Variants in ZFHX4 observed in about 807,000 individuals in gnomAD.
ZFHX4 encodes zinc finger homeobox protein 4.
A neutral mutation model predicts 267.6 loss-of-function variants in ZFHX4; 56 were observed. That is an observed-to-expected ratio of 0.21 (90% CI 0.17 to 0.26). The LOEUF (loss-of-function observed/expected upper bound fraction) is 0.26. ZFHX4 is among the 10% of genes least tolerant of loss of function. The pLI, the probability that ZFHX4 is intolerant of heterozygous loss-of-function variation, is 1.00. For synonymous variants in ZFHX4, 1,778 were observed against 1,665.6 expected, an observed-to-expected ratio of 1.07 and a Z score of -1.64; for missense variants, 4,332 against 4,420.0, an observed-to-expected ratio of 0.98 and a Z score of 0.56.
intron 3 of ZFHX4, among the ~76,000 whole-genome samples, chr8:76,772,411 T>C (rs1255207033): frequency 1.3e-5 from 2 of 152,114 alleles, no homozygotes; most frequent in African/African-American, 4.8e-5. Context: ...TCGTTAATGG[T>C]AGTTAGAACT....
At chr8:76,711,301 C>A (rs1280136733) in intron 3 of ZFHX4, among the ~76,000 whole-genome samples, 2 of 152,140 alleles carry the variant, frequency 1.3e-5, no homozygotes, top group African/African-American at 4.8e-5. Flanking sequence ...TAAATTTGGA[C>A]TTTTCCTCCA....
Position 76,706,648 on chromosome 8 carries a change from G to A in ZFHX4, c.2560G>A (p.Ala854Thr). Reference protein sequence around the residue: ...LMINPFQLDPATAAALAPGLV... With the variant: ...LMINPFQLDPTTAAALAPGLV... Reference sequence around the variant, plus strand: ...GATCAATCCATTCCAGCTGGATCCAGCGACAGCAGCGGCTTTGGCACCAGG... The same window carrying A: ...GATCAATCCATTCCAGCTGGATCCAACGACAGCAGCGGCTTTGGCACCAGG... The change falls in exon 2 of 11, where the codon GCG becomes ACG. Residue 854 changes from alanine to threonine, a missense_variant. By Grantham distance (58) the Ala-to-Thr change is moderately conservative. Transcript: ENST00000651372. 6.3e-7 allele frequency: 1 copy of A among 1,597,214 alleles called. No individual in the cohort carries two copies. The highest frequency in any genetic ancestry group is 8.5e-7 in the Non-Finnish European group (1 of 1,173,652).
At chr8:76,723,081 G>A (rs1460764404) in intron 3 of ZFHX4, among the ~76,000 whole-genome samples, 1 of 151,952 alleles carries the variant, frequency 6.6e-6, no homozygotes, top group Non-Finnish European at 1.5e-5. Context: ...TTCTTTCTTA[G>A]AAGTTTTCCC....
intron 3 of ZFHX4, among the ~76,000 whole-genome samples, chr8:76,731,664 A>C (rs1259776946): frequency 1.3e-5 from 2 of 152,060 alleles, no homozygotes; most frequent in Non-Finnish European, 2.9e-5. Context: ...AAATAAGTCC[A>C]TTGTTTCACA....
intron 4 of ZFHX4, among the ~76,000 whole-genome samples, chr8:76,795,547 T>A (rs1810957680): frequency 6.7e-6 from 1 of 150,090 alleles, no homozygotes. Flanking sequence ...CCAAGTCTTT[T>A]TTTTTTTTTT....
intron 3 of ZFHX4, among the ~76,000 whole-genome samples, chr8:76,712,919 T>G (rs1424432155): frequency 6.6e-6 from 1 of 152,118 alleles, no homozygotes; most frequent in Non-Finnish European, 1.5e-5. Context: ...GGGCAGAGAT[T>G]GAAAAAAAAC....
Position 76,846,621 on chromosome 8 carries a change from AAAAT to A in ZFHX4, c.3512-2368_3512-2365del, listed in dbSNP as rs138355537. Among the ~76,000 whole-genome samples, 760 of 152,194 alleles carry A rather than the reference AAAAT, an allele frequency of 5.0e-3. 4 individuals carry two copies. The highest frequency in any genetic ancestry group is 0.013 in the South Asian group (62 of 4,830). ...GATGAATATTAATAAGCATAAAAATAAAATAAATATATTCTTAATATACATGGTA... is the reference window on the plus strand; with the variant it reads ...GATGAATATTAATAAGCATAAAAATAAAATATATTCTTAATATACATGGTA... On this transcript the variant is annotated intron_variant, in intron 6 of 10. Coordinates refer to ENST00000651372, the MANE Select transcript of ZFHX4 (RefSeq NM_024721.5).
Position 76,853,557 on chromosome 8 carries a change from C to G in ZFHX4, c.6636C>G (p.Pro2212=). ...VLEDIRIDPQ[P]TSLEHYKSDA... ...AAGATATCAGAATTGATCCACAGCCCACCTCTTTAGAACATTACAAATCTG... is the reference window on the plus strand; with the variant it reads ...AAGATATCAGAATTGATCCACAGCCGACCTCTTTAGAACATTACAAATCTG... The change falls in exon 10 of 11, where the codon CCC becomes CCG. Residue 2212 remains proline, a synonymous_variant. Transcript: ENST00000651372. 1 of 1,613,840 alleles carries G rather than the reference C, an allele frequency of 6.2e-7. No homozygotes were observed. Among genetic ancestry groups the G allele is most frequent in the African/African-American group, 1.3e-5 (1 of 75,010 alleles).
intron 8 of ZFHX4, 141 bp downstream of exon 8, chr8:76,849,853 C>T: frequency 1.0e-5 from 9 of 891,840 alleles, no homozygotes; most frequent in African/African-American, 1.7e-5. Flanking sequence ...ATAGTAGTCA[C>T]ACTCAAGGCC....
intron 3 of ZFHX4, among the ~76,000 whole-genome samples, chr8:76,709,775 ATGTGTGCGTGTGTGTGCGTG>A (rs904591649): frequency 1.3e-5 from 2 of 149,324 alleles, no homozygotes; most frequent in Non-Finnish European, 3.0e-5. Context: ...ATTTAAATGT[ATGTGTGCGTGTGTGTGCGTG>A]TGTGTGCGTG....
At chr8:76,819,142 G>GTT (rs11361228) in intron 4 of ZFHX4, among the ~76,000 whole-genome samples, 155 of 127,576 alleles carry the variant, frequency 1.2e-3, no homozygotes, top group African/African-American at 4.0e-3. Context: ...GCTCATAAAG[G>GTT]TTTTTTTTTT....
chr8:76,688,548 A>T (rs963552415), intron 1 of ZFHX4, among the ~76,000 whole-genome samples: 1 of 152,112 alleles, frequency 6.6e-6, no homozygotes, highest in African/African-American at 2.4e-5. Flanking sequence ...TCTTGGAGAC[A>T]TTTGTAGTAG....
intron 3 of ZFHX4, among the ~76,000 whole-genome samples, chr8:76,756,437 T>G (rs1264013844): frequency 7.9e-5 from 12 of 152,120 alleles, no homozygotes; most frequent in Admixed American, 7.9e-4. Flanking sequence ...GAGACCAGAT[T>G]GAGGTTGGGA....
chr8:76,830,473 A>G (rs572409207), intron 4 of ZFHX4, among the ~76,000 whole-genome samples: 2 of 152,370 alleles, frequency 1.3e-5, no homozygotes, highest in African/African-American at 4.8e-5. Flanking sequence ...TTAAAGTGAC[A>G]TATTGTAAGA....
At chr8:76,681,753 C>G (rs943132350) in intron 1 of ZFHX4, 133 bp downstream of exon 1, 26 of 324,560 alleles carry the variant, frequency 8.0e-5, no homozygotes, top group Non-Finnish European at 1.2e-4. Context: ...CTCTCTTCCT[C>G]TCTACCCCTA....
intron 1 of ZFHX4, among the ~76,000 whole-genome samples, chr8:76,698,953 G>C (rs552997739): frequency 6.6e-6 from 1 of 152,218 alleles, no homozygotes; most frequent in Non-Finnish European, 1.5e-5. Context: ...TGGGAAGGTA[G>C]GAGGGTGTAA....
At chr8:76,769,817 C>G (rs1810213519) in intron 3 of ZFHX4, among the ~76,000 whole-genome samples, 1 of 151,904 alleles carries the variant, frequency 6.6e-6, no homozygotes, top group South Asian at 2.1e-4. Flanking sequence ...AATAAAAAAA[C>G]TGAATATTTT....
chr8:76,753,827 T>A (rs1332003710), intron 3 of ZFHX4, among the ~76,000 whole-genome samples: 1 of 152,092 alleles, frequency 6.6e-6, no homozygotes, highest in Non-Finnish European at 1.5e-5. Context: ...GGAGTCTTAC[T>A]ATGTTGCCCA....
intron 5 of ZFHX4, among the ~76,000 whole-genome samples, chr8:76,841,352 T>C (rs1812228409): frequency 6.6e-6 from 1 of 152,148 alleles, no homozygotes; most frequent in Non-Finnish European, 1.5e-5. Context: ...GATATTTCAT[T>C]CTGCTGTCAG....
Sources: gnomAD v4.1 joint callset for allele counts (sites outside exome capture counted in the v4.1 genomes callset) on GRCh38, gnomAD v4.1.1 for gene constraint, MANE v1.5 for transcripts, NCBI Gene and HGNC (gene_info 2026-07-23, HGNC 2026-07-21) for gene names.